LYST: variants seen among roughly 807,000 people sequenced by gnomAD.
LYST encodes lysosomal-trafficking regulator.
LYST carries 192 observed loss-of-function variants against 413.6 expected under a neutral mutation model. The observed-to-expected ratio is 0.46, with a 90% CI of 0.41 to 0.52. The LOEUF is 0.52. Among genes scored for constraint, LYST ranks in the 20% least tolerant of loss-of-function variants. The probability of loss-of-function intolerance (pLI) is 0.00; values close to 1 mark genes in which losing one functional copy is unlikely to be tolerated. For missense variants in LYST, 3,815 were observed against 4,499.9 expected (o/e 0.85, Z 4.35); for synonymous variants, 1,525 against 1,567.3 (o/e 0.97, Z 0.64).
At position 235,702,129 on chromosome 1, in the gene LYST, C is replaced by A. The variant is rs917987875; in HGVS notation, c.10374+618G>T. 4.6e-5 allele frequency among the ~76,000 whole-genome samples: 7 copies of A among 152,222 alleles called. No homozygotes were observed. The South Asian group carries it at 1.4e-3, about 31-fold the overall frequency. ...TACAGTGCTTACAATTCACATTCTACTATCTTATGCTGTTTTTATAACGAA... is the reference window on the plus strand; with the variant it reads ...TACAGTGCTTACAATTCACATTCTAATATCTTATGCTGTTTTTATAACGAA... On this transcript the variant is annotated intron_variant, in intron 45 of 52. Transcript: ENST00000389793.
chr1:235,730,202 A>G (rs1388243476), intron 36 of LYST, among the ~76,000 whole-genome samples: 1 of 152,042 alleles, frequency 6.6e-6, no homozygotes, highest in East Asian at 1.9e-4. Flanking sequence ...TTTTTCATCT[A>G]TGAAATGGGT....
At chr1:235,776,439 G>A (rs1398440858) in intron 17 of LYST, among the ~76,000 whole-genome samples, 1 of 152,146 alleles carries the variant, frequency 6.6e-6, no homozygotes, top group Non-Finnish European at 1.5e-5. Context: ...GAGGATGAAG[G>A]AAGATCAAAG....
At chr1:235,859,412 C>G (rs1180215526) in intron 1 of LYST, among the ~76,000 whole-genome samples, 1 of 152,124 alleles carries the variant, frequency 6.6e-6, no homozygotes, top group Non-Finnish European at 1.5e-5. Flanking sequence ...ACTAACCTCC[C>G]TTCATTACCA....
chr1:235,787,596 C>G (rs970296091), intron 13 of LYST, among the ~76,000 whole-genome samples: 1 of 151,810 alleles, frequency 6.6e-6, no homozygotes, highest in East Asian at 1.9e-4. Context: ...GGCTCATTGG[C>G]TGGTAGTCAT....
intron 1 of LYST, among the ~76,000 whole-genome samples, chr1:235,852,298 C>T (rs1678632880): frequency 6.6e-6 from 1 of 152,238 alleles, no homozygotes; most frequent in Non-Finnish European, 1.5e-5. Context: ...ATATGTTTTG[C>T]CCCATTCTCC....
At chr1:235,695,629 A>ATTTTTTTTTT (rs148101450) in intron 46 of LYST, among the ~76,000 whole-genome samples, 3 of 116,418 alleles carry the variant, frequency 2.6e-5, no homozygotes, top group Admixed American at 9.9e-5. Flanking sequence ...CAGTACTCTA[A>ATTTTTTTTTT]TTTTTTTTTT....
intron 1 of LYST, among the ~76,000 whole-genome samples, chr1:235,859,151 C>T (rs1474391847): frequency 6.6e-6 from 1 of 152,176 alleles, no homozygotes; most frequent in Non-Finnish European, 1.5e-5. Context: ...ACCCCATTTC[C>T]TTTTCGTTTT....
chr1:235,677,239 T>C, intron 49 of LYST, 51 bp from the exon 50 acceptor site: 1 of 1,351,260 alleles, frequency 7.4e-7, no homozygotes, highest in Non-Finnish European at 1.1e-6. Context: ...TATAATTACA[T>C]TCTCTTATTT....
At chr1:235,722,488 T>G (rs1373070846) in intron 39 of LYST, among the ~76,000 whole-genome samples, 1 of 151,974 alleles carries the variant, frequency 6.6e-6, no homozygotes, top group African/African-American at 2.4e-5. Context: ...GTTTTTTGTT[T>G]TGTTTTGTTT....
In LYST at chr1:235,838,724, T is replaced by C. The variant is rs759458758; in HGVS notation, c.-97-5057A>G. Among the ~76,000 whole-genome samples, 9 of 152,212 alleles carry C rather than the reference T, an allele frequency of 5.9e-5. No individual in the cohort carries two copies. In the East Asian group the frequency reaches 7.7e-4, roughly 13 times the overall value. Reference sequence around the variant, plus strand: ...ATGTTCTCAGAATCTGACCGTGAGATGTGAATTCATTTTAGAGCATCCAGA... The same window carrying C: ...ATGTTCTCAGAATCTGACCGTGAGACGTGAATTCATTTTAGAGCATCCAGA... On this transcript the variant is annotated intron_variant, in intron 1 of 52. Transcript: ENST00000389793.
At chr1:235,737,944 A>T in intron 31 of LYST, 3 of 1,216,800 alleles carry the variant, frequency 2.5e-6, no homozygotes, top group South Asian at 3.2e-5. Flanking sequence ...GCGTGCCCCA[A>T]CACCCGCCGG....
At chr1:235,688,005 G>A (rs1426106042) in intron 47 of LYST, among the ~76,000 whole-genome samples, 7 of 152,000 alleles carry the variant, frequency 4.6e-5, no homozygotes, top group Non-Finnish European at 8.8e-5. Context: ...CTTAACTCCC[G>A]TTATACCATA....
In LYST at chr1:235,751,375, G is replaced by A. The variant is rs1454462234; in HGVS notation, c.7628-13C>T. 1 of 1,609,252 alleles carries A rather than the reference G, an allele frequency of 6.2e-7. No homozygotes were observed. The highest frequency in any genetic ancestry group is 8.5e-7 in the Non-Finnish European group (1 of 1,176,196). On this transcript the variant is annotated splice_polypyrimidine_tract_variant and intron_variant, in intron 27 of 52. Coordinates refer to ENST00000389793, the MANE Select transcript of LYST (RefSeq NM_000081.4). ...GCAACAGCCATATCTAAAAACAGAA[G>A]ATACTAGAATGTTTTCAAGCTATGT...
In LYST at chr1:235,787,297, G is replaced by C. The variant is rs1478682827; in HGVS notation, c.4765C>G (p.Pro1589Ala). 2 of 1,613,348 alleles carry C rather than the reference G, an allele frequency of 1.2e-6. No individual in the cohort carries two copies. The highest frequency in any genetic ancestry group is 1.7e-5 in the Admixed American group (1 of 59,978). The change falls in exon 14 of 53, where the codon CCA (proline) becomes GCA (alanine). Residue 1589 changes from proline (P) to alanine (A), a missense_variant. Transcript: ENST00000389793. ...AGTACTAAATGTTGCCATTTGCTTG[G>C]GAGGAAAATATTCTCCTGTGATTCA... ...QVESQENIFLPSKWQHLVLTY... is the reference protein window; with the variant it reads ...QVESQENIFLASKWQHLVLTY...
intron 34 of LYST, among the ~76,000 whole-genome samples, chr1:235,732,626 T>C (rs969185057): frequency 1.3e-4 from 20 of 152,336 alleles, no homozygotes; most frequent in African/African-American, 4.8e-4. Context: ...GCGGTGAATA[T>C]TAGCAGCCAA....
chr1:235,699,314 A>C (rs1160894360), intron 45 of LYST, among the ~76,000 whole-genome samples: 5 of 151,882 alleles, frequency 3.3e-5, no homozygotes, highest in Non-Finnish European at 5.9e-5. Flanking sequence ...TTCAACTCCC[A>C]CTTATGAGTG....
intron 19 of LYST, among the ~76,000 whole-genome samples, chr1:235,771,225 G>A (rs143539409): frequency 3.7e-4 from 56 of 152,106 alleles, no homozygotes; most frequent in African/African-American, 1.3e-3. Context: ...CTGAAAAGTA[G>A]TACCAAGATA....
Position 235,697,196 on chromosome 1 carries a change from C to G in LYST, c.10451G>C (p.Cys3484Ser). ...GSPSAPVPVV[C>S]FSQPHGERFG... is the part of the protein sequence containing the mutation. ...TCTTTCTCCGTGGGGCTGGCTGAAG[C>G]AGACCACAGGTACTGGAGCACTGGG... is the stretch of plus-strand genomic sequence containing the variant. Residue 3484 changes from cysteine to serine, a missense_variant, in exon 46 of 53, where the codon TGC becomes TCC. By Grantham distance (112) the Cys-to-Ser change is moderately radical. Around this residue, in one of 4 missense-constraint regions of LYST, gnomAD observed 866 missense variants for 1,156.0 expected, o/e 0.75. Transcript: ENST00000389793. 1 of 1,614,174 alleles carries G rather than the reference C, an allele frequency of 6.2e-7. No homozygotes were observed. Among genetic ancestry groups the G allele is most frequent in the Non-Finnish European group, 8.5e-7 (1 of 1,180,008 alleles).
intron 44 of LYST, among the ~76,000 whole-genome samples, chr1:235,707,874 G>T (rs988003836): frequency 5.9e-5 from 9 of 151,564 alleles, no homozygotes; most frequent in African/African-American, 1.2e-4. Flanking sequence ...GGGTTTTTTT[G>T]GGGGGGGATT....
Sources: allele counts gnomAD v4.1 joint callset (sites outside exome capture counted in the v4.1 genomes callset), GRCh38; gene constraint gnomAD v4.1.1; regional missense constraint gnomAD v4.1.1; transcripts MANE v1.5; gene names NCBI Gene and HGNC (gene_info 2026-07-23, HGNC 2026-07-21).